The following LTBP1 variants were observed in gnomAD, a reference collection of about 807,000 sequenced individuals.
LTBP1 encodes latent-transforming growth factor beta-binding protein 1.
LTBP1 carries 129 observed loss-of-function variants against 207.6 expected under a neutral mutation model. That is an observed-to-expected ratio of 0.62 (90% CI 0.54 to 0.72). The LOEUF is 0.72. LTBP1 is among the 30% of genes least tolerant of loss of function. LTBP1 has a pLI of 0.00. For missense variants in LTBP1, 2,281 were observed against 2,217.2 expected, an observed-to-expected ratio of 1.03 and a Z score of -0.58; for synonymous variants, 963 against 833.7, an observed-to-expected ratio of 1.16 and a Z score of -2.67.
At chr2:33,304,002 C>G (rs1477389015) in intron 22 of LTBP1, among the ~76,000 whole-genome samples, 3 of 152,302 alleles carry the variant, frequency 2.0e-5, no homozygotes, top group Admixed American at 6.5e-5. Flanking sequence ...AGGGCATGTT[C>G]CTCGCTTTGT....
intron 24 of LTBP1, 148 bp from the exon 25 acceptor site, chr2:33,342,690 A>ATTTTACATATAAATAAAATG: frequency 1.6e-6 from 1 of 644,292 alleles, no homozygotes; most frequent in Non-Finnish European, 2.4e-6. Context: ...TATGTAAAAT[A>ATTTTACATATAAATAAAATG]TTTTAAAAGC....
intron 7 of LTBP1, among the ~76,000 whole-genome samples, chr2:33,197,063 C>A (rs993890163): frequency 2.0e-5 from 3 of 152,116 alleles, no homozygotes; most frequent in Non-Finnish European, 4.4e-5. Flanking sequence ...TAAAAAGTTA[C>A]GTTTAGTATT....
chr2:33,301,443 A>T, intron 21 of LTBP1, 79 bp from the exon 22 acceptor site: 1 of 1,423,488 alleles, frequency 7.0e-7, no homozygotes, highest in Non-Finnish European at 9.3e-7. Flanking sequence ...TCTAGAATTT[A>T]CACTGATCCA....
intron 4 of LTBP1, among the ~76,000 whole-genome samples, chr2:33,114,763 G>T (rs1346028198): frequency 2.0e-5 from 3 of 152,106 alleles, no homozygotes; most frequent in Non-Finnish European, 2.9e-5. Context: ...TTTGATATTG[G>T]TGGAAATATT....
At chr2:33,294,059 G>A (rs1406124204) in intron 20 of LTBP1, among the ~76,000 whole-genome samples, 1 of 132,768 alleles carries the variant, frequency 7.5e-6, no homozygotes, top group Non-Finnish European at 1.5e-5. Flanking sequence ...AGGCTAGAGT[G>A]CAGTGGCATG....
chr2:33,120,518 C>G (rs182845155), intron 4 of LTBP1, among the ~76,000 whole-genome samples: 80 of 152,294 alleles, frequency 5.3e-4, no homozygotes, highest in African/African-American at 1.9e-3. Context: ...AAGACATGAT[C>G]TCATTCTTTT....
chr2:33,324,417 A>G (rs2094399463), intron 24 of LTBP1, among the ~76,000 whole-genome samples: 1 of 151,966 alleles, frequency 6.6e-6, no homozygotes, highest in African/African-American at 2.4e-5. Context: ...TATATGGAAA[A>G]AAACACAGTA....
intron 5 of LTBP1, among the ~76,000 whole-genome samples, chr2:33,157,395 G>A (rs2084057826): frequency 6.6e-6 from 1 of 152,352 alleles, no homozygotes; most frequent in African/African-American, 2.4e-5. Flanking sequence ...GCGTGCAGGA[G>A]GAGTAAGCAT....
chr2:33,157,497 C>T (rs1572898923), intron 5 of LTBP1, among the ~76,000 whole-genome samples: 1 of 152,152 alleles, frequency 6.6e-6, no homozygotes, highest in African/African-American at 2.4e-5. Context: ...TCATTCTTTT[C>T]ATTTTATAGA....
At chr2:33,157,941 A>C (rs934811388) in intron 5 of LTBP1, among the ~76,000 whole-genome samples, 1 of 152,134 alleles carries the variant, frequency 6.6e-6, no homozygotes, top group Non-Finnish European at 1.5e-5. Flanking sequence ...CAGGAGTTTG[A>C]GACCAGCATG....
At chr2:33,253,881 CTTTTT>C (rs61042956) in intron 11 of LTBP1, among the ~76,000 whole-genome samples, 5 of 101,700 alleles carry the variant, frequency 4.9e-5, no homozygotes, top group Non-Finnish European at 7.4e-5. Context: ...ATCTGATGCA[CTTTTT>C]TTTTTTTTTT....
chr2:33,132,850 T>C (rs963527266), intron 4 of LTBP1, among the ~76,000 whole-genome samples: 1 of 152,200 alleles, frequency 6.6e-6, no homozygotes, highest in African/African-American at 2.4e-5. Context: ...TTTGATTAAG[T>C]GGCATTTATC....
At chr2:33,180,670 G>T in intron 5 of LTBP1, among the ~76,000 whole-genome samples, 1 of 152,002 alleles carries the variant, frequency 6.6e-6, no homozygotes, top group East Asian at 1.9e-4. Flanking sequence ...TGACCAGGCT[G>T]GTCTTGAACT....
intron 3 of LTBP1, among the ~76,000 whole-genome samples, chr2:33,064,316 A>C (rs1341384105): frequency 2.0e-5 from 3 of 152,240 alleles, no homozygotes; most frequent in Non-Finnish European, 2.9e-5. Flanking sequence ...TCATATTGTC[A>C]AGAACTGTGA....
At chr2:33,027,792 G>A (rs536799096) in intron 3 of LTBP1, among the ~76,000 whole-genome samples, 5 of 152,206 alleles carry the variant, frequency 3.3e-5, no homozygotes, top group East Asian at 1.9e-4. Flanking sequence ...AGCTGAGATC[G>A]CACCACTGCA....
At position 32,947,621 on chromosome 2, in the gene LTBP1, ACCGCCG is replaced by A. The variant is rs538338631; in HGVS notation, c.313_318del (p.Pro105_Pro106del). On this transcript the variant is annotated inframe_deletion, in exon 1 of 34. Transcript: ENST00000404816. Reference sequence around the variant, plus strand: ...GCGGCGCGGCCCTGCAGGGGCTCAGACCGCCGCCGCCGCCGCCGCCGGAGCCTGCGC... The same window carrying A: ...GCGGCGCGGCCCTGCAGGGGCTCAGACCGCCGCCGCCGCCGGAGCCTGCGC... 35 of 1,327,078 alleles carry A rather than the reference ACCGCCG, an allele frequency of 2.6e-5. No homozygotes were observed. Among genetic ancestry groups the A allele is most frequent in the South Asian group, 1.8e-4 (9 of 49,898 alleles). The allele number at this position is 1,327,078 out of a possible 1,614,324, so 82.2% of individuals were successfully genotyped here.
intron 5 of LTBP1, 55 bp from the exon 6 acceptor site, chr2:33,186,801 T>C (rs1241273779): frequency 2.6e-5 from 36 of 1,382,350 alleles, no homozygotes; most frequent in Non-Finnish European, 3.6e-5. Context: ...GGTTGATCAT[T>C]ACTTAGCCTC....
intron 23 of LTBP1, 39 bp from the exon 24 acceptor site, chr2:33,315,105 A>AT (rs3216704): frequency 0.38 from 596,037 of 1,563,046 alleles, 118,333 homozygotes; most frequent in Admixed American, 0.43. Context: ...AATGAAACCG[A>AT]TTTTTTTCAA....
At chr2:33,140,011 G>C (rs1441977832) in intron 5 of LTBP1, among the ~76,000 whole-genome samples, 1 of 152,314 alleles carries the variant, frequency 6.6e-6, no homozygotes, top group East Asian at 1.9e-4. Context: ...AGTGCTTTCA[G>C]TTTTTTAGCT....
Sources: gnomAD v4.1 joint callset for allele counts (sites outside exome capture counted in the v4.1 genomes callset) on GRCh38, gnomAD v4.1.1 for gene constraint, MANE v1.5 for transcripts, NCBI Gene and HGNC (gene_info 2026-07-23, HGNC 2026-07-21) for gene names.